MLIP: variants seen among roughly 807,000 people sequenced by gnomAD.
The protein encoded by MLIP is muscular LMNA interacting protein.
MLIP carries 79 observed loss-of-function variants against 84.8 expected under a neutral mutation model. The observed-to-expected ratio is 0.93, with a 90% CI of 0.78 to 1.12. The LOEUF (loss-of-function observed/expected upper bound fraction) is 1.12, where lower values mean the gene tolerates loss of function less well. MLIP is among the 50% of genes most tolerant of loss of function. The pLI is 0.00. For synonymous variants in MLIP, 504 were observed against 463.0 expected, an observed-to-expected ratio of 1.09 and a Z score of -1.14; for missense variants, 1,257 against 1,160.6, an observed-to-expected ratio of 1.08 and a Z score of -1.21.
At chr6:54,123,197 A>C (rs931989879) in intron 2 of MLIP, among the ~76,000 whole-genome samples, 1 of 151,988 alleles carries the variant, frequency 6.6e-6, no homozygotes, top group Non-Finnish European at 1.5e-5. Context: ...GGCCTCCCAA[A>C]GTGCTGGGAT....
At chr6:54,234,352 G>T (rs1252193747) in intron 12 of MLIP, among the ~76,000 whole-genome samples, 1 of 152,034 alleles carries the variant, frequency 6.6e-6, no homozygotes, top group African/African-American at 2.4e-5. Flanking sequence ...GCGTAAAAGT[G>T]CCTGAAGATA....
At chr6:54,051,350 T>A (rs1039643157) in intron 1 of MLIP, among the ~76,000 whole-genome samples, 2 of 152,086 alleles carry the variant, frequency 1.3e-5, no homozygotes, top group Admixed American at 6.6e-5. Flanking sequence ...AATATGCCAC[T>A]TCAAATATTA....
intron 10 of MLIP, among the ~76,000 whole-genome samples, chr6:54,196,587 G>C (rs1324043004): frequency 6.6e-6 from 1 of 152,002 alleles, no homozygotes; most frequent in African/African-American, 2.4e-5. Context: ...GTCTATCATT[G>C]ATGGGCACTT....
At chr6:54,226,019 G>A (rs1000872460) in intron 11 of MLIP, among the ~76,000 whole-genome samples, 1 of 152,164 alleles carries the variant, frequency 6.6e-6, no homozygotes, top group Non-Finnish European at 1.5e-5. Flanking sequence ...GCCAAGTACT[G>A]ATTCCATTTC....
intron 1 of MLIP, chr6:54,083,306 A>G (rs1463692394): frequency 2.1e-6 from 1 of 475,868 alleles, no homozygotes; most frequent in Non-Finnish European, 3.4e-6. Context: ...CCAGGCAAAG[A>G]GTTTCTCTTA....
rs200692573 is a variant in MLIP, at chr6:54,265,961, G to A, written c.*6G>A. On this transcript the variant is annotated 3_prime_UTR_variant, in exon 14 of 14. Transcript: ENST00000502396. ...CTCTTATTTTACAGCAATGAAGTTGGAGCAGAGGCTGAAAACACAGGCTGC... is the reference window on the plus strand; with the variant it reads ...CTCTTATTTTACAGCAATGAAGTTGAAGCAGAGGCTGAAAACACAGGCTGC... The A allele has an allele frequency of 6.2e-7, 1 of 1,611,714 alleles. No individual in the cohort carries two copies. Among genetic ancestry groups the A allele is most frequent in the East Asian group, 2.2e-5 (1 of 44,760 alleles).
chr6:54,137,549 C>T lies in MLIP; in HGVS notation c.1480C>T (p.Pro494Ser). 1 of 1,536,104 alleles carries T rather than the reference C, an allele frequency of 6.5e-7. No individual in the cohort carries two copies. The highest frequency in any genetic ancestry group is 1.2e-5 in the South Asian group (1 of 84,066). Residue 494 changes from proline (P) to serine (S), a missense_variant, in exon 4 of 14, where the codon CCT (proline) becomes TCT (serine). By Grantham distance (74) the Pro-to-Ser change is moderately conservative (BLOSUM62 -1). Coordinates refer to ENST00000502396, the MANE Select transcript of MLIP (RefSeq NM_001281747.2). The stretch of plus-strand genomic sequence containing the variant: ...ATTGACCCAGCAATCTTTTCACCTG[C>T]CTGTTTTCACCAAGTCTACTCCGCT... ...SELTQQSFHL[P>S]VFTKSTPLSQ...
chr6:54,211,109 G>A (rs966565498), intron 11 of MLIP, among the ~76,000 whole-genome samples: 14 of 152,020 alleles, frequency 9.2e-5, no homozygotes, highest in Non-Finnish European at 7.4e-5. Context: ...GCGTGGTGGC[G>A]GGTGCCTATA....
At chr6:54,071,774 C>T (rs909224380) in intron 1 of MLIP, among the ~76,000 whole-genome samples, 1 of 151,984 alleles carries the variant, frequency 6.6e-6, no homozygotes. Context: ...TGGAACTGCT[C>T]CTATAAAATT....
chr6:54,112,450 G>A (rs556556436), intron 1 of MLIP, among the ~76,000 whole-genome samples: 1 of 152,292 alleles, frequency 6.6e-6, no homozygotes, highest in African/African-American at 2.4e-5. Context: ...TAAAGGTGGT[G>A]AAAAGAGCTA....
intron 1 of MLIP, among the ~76,000 whole-genome samples, chr6:54,117,112 C>G (rs1490000338): frequency 6.6e-6 from 1 of 151,902 alleles, no homozygotes; most frequent in Admixed American, 6.6e-5. Context: ...GATAAAGGCC[C>G]TATATGGCAA....
rs997998415 is a variant in MLIP, at chr6:54,036,426, C to G, written c.63+17335C>G. ...ATGGGAAAAATATTGGGCTAATTGA[C>G]TTGTATTTGTAGAGTAGTCTAAGCT... On this transcript the variant is annotated intron_variant, in intron 1 of 12. Transcript: ENST00000274897. 5.9e-5 allele frequency among the ~76,000 whole-genome samples: 9 copies of G among 151,964 alleles called. No homozygotes were observed. In the East Asian group the frequency reaches 1.2e-3, roughly 20 times the overall value.
chr6:54,208,535 A>G (rs1198167260), intron 11 of MLIP, among the ~76,000 whole-genome samples: 1 of 152,218 alleles, frequency 6.6e-6, no homozygotes, highest in African/African-American at 2.4e-5. Context: ...GCAGTGATCT[A>G]TAATTGTGCC....
intron 1 of MLIP, among the ~76,000 whole-genome samples, chr6:54,098,148 CTTTTTTTTTT>C (rs5876357): frequency 3.2e-5 from 4 of 123,858 alleles, no homozygotes; most frequent in Non-Finnish European, 5.0e-5. Context: ...ATTTTTCTTT[CTTTTTTTTTT>C]TTTTTTTTTT....
At chr6:54,079,030 T>C (rs1766976585) in intron 1 of MLIP, among the ~76,000 whole-genome samples, 1 of 152,184 alleles carries the variant, frequency 6.6e-6, no homozygotes, top group Non-Finnish European at 1.5e-5. Context: ...TTGCACAAAA[T>C]ATTTGGGACA....
chr6:54,180,748 T>C (rs942266694), intron 9 of MLIP, among the ~76,000 whole-genome samples: 3 of 152,200 alleles, frequency 2.0e-5, no homozygotes, highest in African/African-American at 7.2e-5. Flanking sequence ...CTTCTCTGTG[T>C]TATCTTGAAT....
rs1415248167 is a variant in MLIP at position 54,065,279 on chromosome 6, T to G, written c.63+46188T>G. On this transcript the variant is annotated intron_variant, in intron 1 of 12. Transcript: ENST00000274897. ...GGTACCTGATAAATTCTTATATGTGTTTCCTATTGTTATTAGGACTAAATT... is the reference window on the plus strand; with the variant it reads ...GGTACCTGATAAATTCTTATATGTGGTTCCTATTGTTATTAGGACTAAATT... Among the ~76,000 whole-genome samples the G allele has an allele frequency of 2.0e-5, 2 of 100,480 alleles. 1 individual carries two copies. Among genetic ancestry groups the G allele is most frequent in the Non-Finnish European group, 5.7e-5 (2 of 34,876 alleles). 65.9% of individuals were successfully genotyped at this position (100,480 alleles called of 152,430 possible). A position where few individuals can be genotyped will look rare whatever the true frequency, so the allele number is the denominator to read the frequency against.
chr6:54,071,879 C>T (rs1200979462), intron 1 of MLIP, among the ~76,000 whole-genome samples: 4 of 152,202 alleles, frequency 2.6e-5, no homozygotes, highest in African/African-American at 9.7e-5. Context: ...GCTCTCTGAC[C>T]TGCTTCTTCG....
intron 3 of MLIP, among the ~76,000 whole-genome samples, chr6:54,133,946 G>A (rs1364008079): frequency 2.0e-5 from 3 of 152,140 alleles, no homozygotes; most frequent in African/African-American, 4.8e-5. Flanking sequence ...GGTAGCTCTA[G>A]AGAGGTGTTT....
Sources: allele counts gnomAD v4.1 joint callset (sites outside exome capture counted in the v4.1 genomes callset), GRCh38; gene constraint gnomAD v4.1.1; transcripts MANE v1.5; gene names NCBI Gene and HGNC (gene_info 2026-07-23, HGNC 2026-07-21).